The following MEGF11 variants were observed in gnomAD, a reference collection of about 807,000 sequenced individuals.
MEGF11 encodes multiple epidermal growth factor-like domains protein 11.
Under a neutral mutation model 146.6 loss-of-function variants are expected in MEGF11, and 126 were observed. That is an observed-to-expected ratio of 0.86 (90% CI 0.74 to 1.00). The LOEUF is 1.00. Ranked by LOEUF, MEGF11 falls within the 50% of genes least tolerant of loss-of-function variation. The pLI is 0.00. For synonymous variants in MEGF11, 532 were observed against 583.4 expected, an observed-to-expected ratio of 0.91 and a Z score of 1.27; for missense variants, 1,509 against 1,521.2, an observed-to-expected ratio of 0.99 and a Z score of 0.13.
chr15:65,896,770 TAGA>T lies in MEGF11; in HGVS notation c.*1161_*1163del, dbSNP rs1596803949. 1.3e-5 allele frequency: 2 copies of T among 152,196 alleles called. No homozygotes were observed. The highest frequency in any genetic ancestry group is 3.8e-4 in the East Asian group (2 of 5,204). 9.4% of individuals were successfully genotyped at this position (152,196 alleles called of 1,614,324 possible). ...AGCTCAGTAAGTAGTAGTTTTAAGA[TAGA>T]AGGTGGAAGGACTTCATATCCTCAT... On this transcript the variant is annotated 3_prime_UTR_variant, in exon 26 of 26. Coordinates refer to ENST00000395614, the MANE Select transcript of MEGF11 (RefSeq NM_001385028.1).
chr15:66,158,795 C>A (rs959881882), intron 1 of MEGF11, among the ~76,000 whole-genome samples: 1 of 152,222 alleles, frequency 6.6e-6, no homozygotes, highest in Non-Finnish European at 1.5e-5. Flanking sequence ...AAGCCTCCCC[C>A]TTCCAAGGCC....
chr15:65,941,741 T>A (rs2079999859), intron 10 of MEGF11, among the ~76,000 whole-genome samples: 1 of 152,256 alleles, frequency 6.6e-6, no homozygotes, highest in Non-Finnish European at 1.5e-5. Context: ...ATTTGTACTT[T>A]ACTAGGAGAC....
At chr15:65,955,672 A>T (rs2080560009) in intron 10 of MEGF11, among the ~76,000 whole-genome samples, 1 of 135,874 alleles carries the variant, frequency 7.4e-6, no homozygotes, top group Non-Finnish European at 1.5e-5. Flanking sequence ...TGAACCCAGG[A>T]GGCGGAGGTT....
At chr15:66,202,525 C>A (rs1433060260) in intron 1 of MEGF11, among the ~76,000 whole-genome samples, 2 of 152,190 alleles carry the variant, frequency 1.3e-5, no homozygotes, top group African/African-American at 4.8e-5. Context: ...GCTCTTCAGT[C>A]TCCGTGACCC....
At chr15:65,959,582 C>G (rs1381473525) in intron 9 of MEGF11, among the ~76,000 whole-genome samples, 1 of 152,160 alleles carries the variant, frequency 6.6e-6, no homozygotes, top group African/African-American at 2.4e-5. Flanking sequence ...TATTCAGACT[C>G]TGGTCTCATA....
intron 1 of MEGF11, among the ~76,000 whole-genome samples, chr15:66,242,367 C>T (rs576095315): frequency 8.4e-4 from 126 of 149,812 alleles, no homozygotes; most frequent in African/African-American, 2.9e-3. Context: ...CATAATTGTG[C>T]CACTGCACTC....
chr15:65,929,261 T>C (rs548973779), intron 12 of MEGF11, among the ~76,000 whole-genome samples: 1 of 152,272 alleles, frequency 6.6e-6, no homozygotes, highest in African/African-American at 2.4e-5. Flanking sequence ...TAAGTCTGGG[T>C]GGTTATTATT....
At chr15:66,194,028 T>C (rs2090946489) in intron 1 of MEGF11, among the ~76,000 whole-genome samples, 1 of 152,144 alleles carries the variant, frequency 6.6e-6, no homozygotes, top group South Asian at 2.1e-4. Flanking sequence ...GAAGTCATTA[T>C]ACAAAAAAAG....
intron 9 of MEGF11, among the ~76,000 whole-genome samples, chr15:65,960,949 C>A (rs2080836848): frequency 1.3e-5 from 2 of 152,174 alleles, no homozygotes; most frequent in South Asian, 4.1e-4. Context: ...AATCTAAAAT[C>A]ATTCCTTTTT....
In MEGF11 at chr15:65,929,926, A is replaced by C. The variant is rs768386968; in HGVS notation, c.1409-43T>G. On this transcript the variant is annotated intron_variant, in intron 11 of 25. Transcript: ENST00000395614. ...GACTGTCACTTCTCCATCCAGGCCC[A>C]GTGTGTCTTTTTTGCCCACTCCCCC... 7 of 1,556,598 alleles carry C rather than the reference A, an allele frequency of 4.5e-6. 1 individual carries two copies. In the South Asian group the frequency reaches 7.1e-5, roughly 16 times the overall value.
At chr15:65,913,689 T>G in intron 20 of MEGF11, 48 bp downstream of exon 20, 1 of 1,478,186 alleles carries the variant, frequency 6.8e-7, no homozygotes, top group Non-Finnish European at 9.3e-7. Context: ...TCCTGGGGTA[T>G]GTGTGTGTGG....
rs763162068 is a variant in MEGF11 at position 65,898,710 on chromosome 15, CTTAT to C, written c.3262+14_3262+17del. 57 of 1,612,444 alleles carry C rather than the reference CTTAT, an allele frequency of 3.5e-5. No individual in the cohort carries two copies. Among genetic ancestry groups the C allele is most frequent in the Admixed American group, 1.8e-4 (11 of 59,974 alleles). ...CTATTGCCCTGATTTCACTAAGTTA[CTTAT>C]TTGAGACACCTACCAACTTCATATA... On this transcript the variant is annotated intron_variant, in intron 25 of 25. Transcript: ENST00000395614.
At position 66,109,339 on chromosome 15, in the gene MEGF11, C is replaced by T. The variant is rs77799097; in HGVS notation, c.301+9747G>A. On this transcript the variant is annotated intron_variant, in intron 4 of 25. Coordinates refer to ENST00000395614, the MANE Select transcript of MEGF11 (RefSeq NM_001385028.1). ...CCCTTGTTGACCTCATGAGATTGTCCGGGCAGTGTCCTGACCCCTCTGCTG... is the reference window on the plus strand; with the variant it reads ...CCCTTGTTGACCTCATGAGATTGTCTGGGCAGTGTCCTGACCCCTCTGCTG... Among the ~76,000 whole-genome samples, 638 of 152,238 alleles carry T rather than the reference C, an allele frequency of 4.2e-3. 5 individuals carry two copies. The highest frequency in any genetic ancestry group is 0.014 in the African/African-American group (564 of 41,526).
chr15:65,990,321 C>T (rs965520363), intron 5 of MEGF11, among the ~76,000 whole-genome samples: 13 of 152,164 alleles, frequency 8.5e-5, no homozygotes, highest in African/African-American at 2.9e-4. Flanking sequence ...AAGGCTGAGG[C>T]AGAAGGGTAG....
chr15:66,032,330 A>G (rs922556600), intron 5 of MEGF11, among the ~76,000 whole-genome samples: 3 of 152,232 alleles, frequency 2.0e-5, no homozygotes, highest in Admixed American at 1.3e-4. Flanking sequence ...ATACTGAAAA[A>G]TGGGATTGTT....
chr15:66,169,898 C>T (rs1427282731), intron 1 of MEGF11, among the ~76,000 whole-genome samples: 5 of 152,172 alleles, frequency 3.3e-5, no homozygotes, highest in African/African-American at 1.2e-4. Flanking sequence ...TCCAAGCTCC[C>T]TTCACCCTGC....
At chr15:65,990,450 C>G (rs2081995379) in intron 5 of MEGF11, among the ~76,000 whole-genome samples, 1 of 151,678 alleles carries the variant, frequency 6.6e-6, no homozygotes, top group Non-Finnish European at 1.5e-5. Flanking sequence ...ACTCAGGAGG[C>G]TGAGGTGGGA....
chr15:66,012,100 T>C (rs2082727974), intron 5 of MEGF11, among the ~76,000 whole-genome samples: 1 of 150,756 alleles, frequency 6.6e-6, no homozygotes, highest in African/African-American at 2.4e-5. Flanking sequence ...TGGTGGCACA[T>C]ACCTGTAGTC....
At chr15:66,157,713 A>G (rs1220353053) in intron 1 of MEGF11, among the ~76,000 whole-genome samples, 2 of 152,256 alleles carry the variant, frequency 1.3e-5, no homozygotes, top group Non-Finnish European at 2.9e-5. Flanking sequence ...AATATGAAGC[A>G]AAGGGAATAA....
Sources: gnomAD v4.1 joint callset for allele counts (sites outside exome capture counted in the v4.1 genomes callset) on GRCh38, gnomAD v4.1.1 for gene constraint, MANE v1.5 for transcripts, NCBI Gene and HGNC (gene_info 2026-07-23, HGNC 2026-07-21) for gene names.